Variants in FMN2 observed in about 807,000 individuals in gnomAD.
FMN2 encodes formin 2.
A neutral mutation model predicts 142.3 loss-of-function variants in FMN2; 51 were observed. The ratio of observed to expected loss-of-function variants is 0.36; its 90% CI spans 0.29 to 0.45. The LOEUF is 0.45. Ranked by LOEUF, FMN2 falls within the 20% of genes least tolerant of loss-of-function variation. FMN2 has a pLI of 1.00. For missense variants in FMN2, 1,936 were observed against 2,122.8 expected (o/e 0.91, Z 1.73); for synonymous variants, 882 against 869.8 (o/e 1.01, Z -0.25).
chr1:240,376,944 A>G (rs193011187), intron 14 of FMN2, among the ~76,000 whole-genome samples: 18 of 152,188 alleles, frequency 1.2e-4, no homozygotes, highest in Admixed American at 7.2e-4. Context: ...ACTCTACAAC[A>G]GTATACTGTC....
intron 15 of FMN2, among the ~76,000 whole-genome samples, chr1:240,395,978 G>A (rs1017340526): frequency 6.6e-6 from 1 of 152,098 alleles, no homozygotes; most frequent in African/African-American, 2.4e-5. Context: ...AATTGATGTG[G>A]CAGATTTCAT....
chr1:240,142,844 C>A, intron 2 of FMN2: 1 of 1,587,836 alleles, frequency 6.3e-7, no homozygotes. Flanking sequence ...CCACCACATC[C>A]ACTGCCTGGC....
chr1:240,144,201 T>A (rs1485005371), intron 2 of FMN2: 1 of 1,508,384 alleles, frequency 6.6e-7, no homozygotes, highest in Non-Finnish European at 9.2e-7. Context: ...GTTGCCATCA[T>A]CGTTAGCAGC....
intron 1 of FMN2, among the ~76,000 whole-genome samples, chr1:240,121,916 C>T (rs1312475059): frequency 6.6e-6 from 1 of 151,626 alleles, no homozygotes. Context: ...CTCTTCGTCT[C>T]TTCATTCTCT....
At chr1:240,238,563 A>G (rs1667784182) in intron 6 of FMN2, among the ~76,000 whole-genome samples, 1 of 152,210 alleles carries the variant, frequency 6.6e-6, no homozygotes, top group Admixed American at 6.5e-5. Flanking sequence ...TGAGGTAGCT[A>G]ATAATTTTAT....
chr1:240,384,306 A>G (rs1439086271), intron 14 of FMN2, among the ~76,000 whole-genome samples: 2 of 152,190 alleles, frequency 1.3e-5, no homozygotes, highest in Admixed American at 1.3e-4. Context: ...AAATAATAAT[A>G]TTTAAAAGAA....
chr1:240,314,086 T>G (rs1177213947), intron 8 of FMN2, among the ~76,000 whole-genome samples: 1 of 152,240 alleles, frequency 6.6e-6, no homozygotes, highest in Non-Finnish European at 1.5e-5. Flanking sequence ...TGGTATCTAT[T>G]ACTGTCCTCT....
rs1004723128 is a variant in FMN2 at position 240,198,411 on chromosome 1, G to A, written c.1987-8388G>A. ...CAGCCAAGTATGATTTCTAACGTACGCCTCTTCCTTCCATATCACATTTCT... is the reference window on the plus strand; with the variant it reads ...CAGCCAAGTATGATTTCTAACGTACACCTCTTCCTTCCATATCACATTTCT... On this transcript the variant is annotated intron_variant, in intron 4 of 17. Coordinates refer to ENST00000319653, the MANE Select transcript of FMN2 (RefSeq NM_020066.5). Among the ~76,000 whole-genome samples the A allele has an allele frequency of 3.9e-5, 6 of 152,138 alleles. No individual in the cohort carries two copies. In the South Asian group the frequency reaches 6.2e-4, roughly 16 times the overall value.
intron 2 of FMN2, among the ~76,000 whole-genome samples, chr1:240,126,941 G>C (rs1409978098): frequency 6.6e-6 from 1 of 152,184 alleles, no homozygotes; most frequent in East Asian, 1.9e-4. Context: ...TGAGCGCAGA[G>C]GGGAGCCTGT....
intron 8 of FMN2, among the ~76,000 whole-genome samples, chr1:240,316,061 C>T (rs1670770873): frequency 1.3e-5 from 2 of 152,122 alleles, no homozygotes; most frequent in African/African-American, 4.8e-5. Context: ...TAGAGTGAAC[C>T]TACTGTGTGC....
At chr1:240,394,795 C>T (rs558525093) in intron 15 of FMN2, among the ~76,000 whole-genome samples, 34 of 152,122 alleles carry the variant, frequency 2.2e-4, no homozygotes, top group African/African-American at 7.7e-4. Flanking sequence ...CGGTGAAACC[C>T]CGTCTCTACT....
At chr1:240,142,870 C>T (rs747261044) in intron 2 of FMN2, 18 of 1,598,350 alleles carry the variant, frequency 1.1e-5, no homozygotes, top group Non-Finnish European at 1.4e-5. Context: ...TGGACAGACA[C>T]TGGCAATGGC....
intron 16 of FMN2, among the ~76,000 whole-genome samples, chr1:240,466,627 C>T (rs1054221767): frequency 1.3e-5 from 2 of 152,166 alleles, no homozygotes; most frequent in African/African-American, 4.8e-5. Context: ...CATTACCAAT[C>T]AACAATTTCA....
chr1:240,209,797 G>A (rs543123145), intron 5 of FMN2, among the ~76,000 whole-genome samples: 50 of 151,628 alleles, frequency 3.3e-4, no homozygotes, highest in Non-Finnish European at 6.2e-4. Flanking sequence ...CCAGCTACTC[G>A]GGAGGCTGAG....
At position 240,208,836 on chromosome 1, in the gene FMN2, A is replaced by G. The variant is rs979386190; in HGVS notation, c.3920+104A>G. 2.9e-6 allele frequency: 4 copies of G among 1,402,514 alleles called. No homozygotes were observed. The African/African-American group carries it at 5.7e-5, about 20-fold the overall frequency. 86.9% of individuals were successfully genotyped at this position (1,402,514 alleles called of 1,614,324 possible). ...ACTGTTGAATGTATTTTTAAGCACA[A>G]CTCTAAAACTCGTCTAGATTTTTAC... is the stretch of plus-strand genomic sequence containing the variant. On this transcript the variant is annotated intron_variant, in intron 5 of 17. Transcript: ENST00000319653.
In FMN2 at chr1:240,193,456, A is replaced by G. The variant is rs150185982; in HGVS notation, c.1986+5194A>G. On this transcript the variant is annotated intron_variant, in intron 4 of 17. Transcript: ENST00000319653. The stretch of plus-strand genomic sequence containing the variant: ...GGGTGAAGGTTGTTGAGAGACTACA[A>G]TTAAGGGCAATTTCTTAGGAAGGGT... 5.4e-4 allele frequency among the ~76,000 whole-genome samples: 83 copies of G among 152,378 alleles called. 1 individual carries two copies. The highest frequency in any genetic ancestry group is 2.0e-3 in the African/African-American group (82 of 41,594).
At chr1:240,249,047 G>T (rs1469901583) in intron 6 of FMN2, among the ~76,000 whole-genome samples, 1 of 151,956 alleles carries the variant, frequency 6.6e-6, no homozygotes, top group Non-Finnish European at 1.5e-5. Flanking sequence ...CATTAAACAG[G>T]CAATGTCTTT....
At chr1:240,437,435 A>G (rs1302962314) in intron 15 of FMN2, among the ~76,000 whole-genome samples, 6 of 151,760 alleles carry the variant, frequency 4.0e-5, no homozygotes, top group African/African-American at 1.2e-4. Flanking sequence ...AGCTGGGACT[A>G]CAGGTGCCCA....
At chr1:240,107,992 A>T (rs1216590201) in intron 1 of FMN2, among the ~76,000 whole-genome samples, 2 of 152,152 alleles carry the variant, frequency 1.3e-5, no homozygotes, top group Non-Finnish European at 2.9e-5. Flanking sequence ...CTTCTTCAAA[A>T]CAATTATGAA....
Sources: allele counts gnomAD v4.1 joint callset (sites outside exome capture counted in the v4.1 genomes callset), GRCh38; gene constraint gnomAD v4.1.1; transcripts MANE v1.5; gene names NCBI Gene and HGNC (gene_info 2026-07-23, HGNC 2026-07-21).